CBFA2T2: variants seen among roughly 807,000 people sequenced by gnomAD.
CBFA2T2 encodes the protein CBFA2/RUNX1 partner transcriptional co-repressor 2.
Under a neutral mutation model 62.2 loss-of-function variants are expected in CBFA2T2, and 11 were observed. The ratio of observed to expected loss-of-function variants is 0.18; its 90% confidence interval spans 0.11 to 0.29. The LOEUF is 0.29. Among genes scored for constraint, CBFA2T2 ranks in the 10% least tolerant of loss-of-function variants. The pLI is 1.00. For synonymous variants in CBFA2T2, 295 were observed against 287.5 expected (o/e 1.03, Z -0.27); for missense variants, 592 against 774.1 (o/e 0.76, Z 2.79).
intron 8 of CBFA2T2, among the ~76,000 whole-genome samples, chr20:33,635,880 A>C (rs1034507238): frequency 6.6e-6 from 1 of 151,150 alleles, no homozygotes; most frequent in Non-Finnish European, 1.5e-5. Context: ...AGACCCTGTC[A>C]CACACAAAAA....
At chr20:33,560,764 A>G (rs2013055520) in intron 1 of CBFA2T2, among the ~76,000 whole-genome samples, 1 of 152,302 alleles carries the variant, frequency 6.6e-6, no homozygotes, top group East Asian at 1.9e-4. Flanking sequence ...TATGCAGGGG[A>G]TCTTTCATGC....
intron 1 of CBFA2T2, among the ~76,000 whole-genome samples, chr20:33,541,287 CA>C (rs2012404102): frequency 1.3e-5 from 2 of 152,168 alleles, no homozygotes; most frequent in South Asian, 4.1e-4. Context: ...GTTCAGAGGT[CA>C]AGTGATTAGA....
chr20:33,510,155 G>GT (rs540843979), intron 1 of CBFA2T2, among the ~76,000 whole-genome samples: 2 of 151,296 alleles, frequency 1.3e-5, no homozygotes, highest in Non-Finnish European at 2.9e-5. Context: ...TGAACTCATT[G>GT]TTTTTTATGG....
Position 33,640,509 on chromosome 20 carries a change from A to C in CBFA2T2, c.1466A>C (p.Asn489Thr). The change falls in exon 10 of 11, where the codon AAT becomes ACT. Residue 489 changes from asparagine (N) to threonine (T), a missense_variant. Asn to Thr is a moderately conservative substitution (Grantham distance 65). This residue lies in a region of CBFA2T2 where 58 missense variants were observed against 123.9 expected (regional missense o/e 0.47). Coordinates refer to ENST00000342704, the MANE Select transcript of CBFA2T2 (RefSeq NM_001032999.3). ...GCAGAGGATGCTTTCCTCGTCATCA[A>C]TGAGCAAGAGGAGTCCACGGAGGTC... is the stretch of plus-strand genomic sequence containing the variant. ...QAAEDAFLVI[N>T]EQEESTENCW... 6.2e-7 allele frequency: 1 copy of C among 1,614,206 alleles called. No individual in the cohort carries two copies.
rs2146837907 is a variant in CBFA2T2 at position 33,490,166 on chromosome 20, G to A, written c.-102G>A. On this transcript the variant is annotated 5_prime_UTR_variant, in exon 1 of 11. Transcript: ENST00000342704. The stretch of plus-strand genomic sequence containing the variant: ...GCTCGGCGGCTGCAGATCTCGCGGC[G>A]ACGCCTGCGAGGGACCCGGGCCGCG... The A allele has an allele frequency of 8.8e-7, 1 of 1,141,192 alleles. No homozygotes were observed. The highest frequency in any genetic ancestry group is 1.1e-6 in the Non-Finnish European group (1 of 916,410). The allele number at this position is 1,141,192 out of a possible 1,614,324, so 70.7% of individuals were successfully genotyped here.
intron 1 of CBFA2T2, among the ~76,000 whole-genome samples, chr20:33,509,554 A>G (rs981391442): frequency 6.7e-6 from 1 of 150,374 alleles, no homozygotes; most frequent in African/African-American, 2.4e-5. Context: ...CTGGCTGGGC[A>G]CGGTGGCTCA....
intron 3 of CBFA2T2, among the ~76,000 whole-genome samples, 169 bp from the exon 4 acceptor site, chr20:33,619,348 A>G (rs76720814): frequency 0.014 from 2,201 of 152,208 alleles, 49 homozygotes; most frequent in African/African-American, 0.051. Context: ...TGGAGGTTAC[A>G]GTGAGCCGAG....
chr20:33,494,841 G>A (rs923467293), intron 1 of CBFA2T2, among the ~76,000 whole-genome samples: 18 of 151,482 alleles, frequency 1.2e-4, no homozygotes, highest in Non-Finnish European at 2.2e-4. Flanking sequence ...CAGGTGATCC[G>A]CCCGTCTCAG....
chr20:33,589,315 T>C (rs1188953926), intron 1 of CBFA2T2, among the ~76,000 whole-genome samples: 2 of 152,204 alleles, frequency 1.3e-5, no homozygotes, highest in Non-Finnish European at 2.9e-5. Context: ...GTTGTGGAGA[T>C]GTTTGGTAGT....
chr20:33,579,554 CTTTTTTT>C (rs76190498), intron 1 of CBFA2T2, among the ~76,000 whole-genome samples: 1 of 125,358 alleles, frequency 8.0e-6, no homozygotes, highest in African/African-American at 2.9e-5. Context: ...CATCACGAAT[CTTTTTTT>C]TTTTTTTTTT....
At chr20:33,580,925 T>C (rs1165487318) in intron 1 of CBFA2T2, among the ~76,000 whole-genome samples, 1 of 152,110 alleles carries the variant, frequency 6.6e-6, no homozygotes, top group Non-Finnish European at 1.5e-5. Flanking sequence ...ACAGATAACA[T>C]TGCTGTTTGT....
At chr20:33,634,000 G>A (rs1487051693) in intron 8 of CBFA2T2, among the ~76,000 whole-genome samples, 1 of 151,830 alleles carries the variant, frequency 6.6e-6, no homozygotes, top group Non-Finnish European at 1.5e-5. Context: ...ACGGAGTCTC[G>A]CTCTGTCACC....
At chr20:33,569,826 A>G (rs976592164) in intron 1 of CBFA2T2, among the ~76,000 whole-genome samples, 4 of 152,196 alleles carry the variant, frequency 2.6e-5, no homozygotes, top group African/African-American at 9.7e-5. Flanking sequence ...ATCATAAGGA[A>G]CATAGGGCCA....
chr20:33,570,679 G>C (rs188449831), intron 1 of CBFA2T2, among the ~76,000 whole-genome samples: 1 of 152,222 alleles, frequency 6.6e-6, no homozygotes, highest in African/African-American at 2.4e-5. Flanking sequence ...GAAGAATGGG[G>C]GTTTCCTTCT....
chr20:33,496,125 T>C (rs1270334391), intron 1 of CBFA2T2, among the ~76,000 whole-genome samples: 1 of 152,108 alleles, frequency 6.6e-6, no homozygotes, highest in Non-Finnish European at 1.5e-5. Context: ...CCAGGTAAGG[T>C]CCAGCTAAAG....
At chr20:33,574,660 G>A (rs1015858179) in intron 1 of CBFA2T2, among the ~76,000 whole-genome samples, 1 of 152,190 alleles carries the variant, frequency 6.6e-6, no homozygotes, top group African/African-American at 2.4e-5. Flanking sequence ...ATAAAAAGTT[G>A]TTTTCTTTTT....
At chr20:33,503,788 T>A (rs931161908) in intron 1 of CBFA2T2, among the ~76,000 whole-genome samples, 19 of 152,108 alleles carry the variant, frequency 1.2e-4, no homozygotes, top group Admixed American at 1.2e-3. Flanking sequence ...CGCAAAGTAC[T>A]GGGATTCAGG....
intron 1 of CBFA2T2, among the ~76,000 whole-genome samples, chr20:33,491,889 A>AT (rs1367665035): frequency 1.3e-5 from 2 of 150,346 alleles, no homozygotes. Flanking sequence ...TTATTTTATT[A>AT]TTTTTTTTGA....
At chr20:33,495,825 T>TC (rs571181877) in intron 1 of CBFA2T2, among the ~76,000 whole-genome samples, 9 of 152,238 alleles carry the variant, frequency 5.9e-5, no homozygotes, top group Non-Finnish European at 1.2e-4. Flanking sequence ...TACTTAACCT[T>TC]CTTGTGCAGT....
Sources: gnomAD v4.1 joint callset for allele counts (sites outside exome capture counted in the v4.1 genomes callset) on GRCh38, gnomAD v4.1.1 for gene constraint, gnomAD v4.1.1 regional missense constraint, MANE v1.5 for transcripts, NCBI Gene and HGNC (gene_info 2026-07-23, HGNC 2026-07-21) for gene names.